The following CBLB variants were observed in gnomAD, a reference collection of about 807,000 sequenced individuals.
CBLB encodes the protein E3 ubiquitin-protein ligase CBL-B.
A neutral mutation model predicts 104.9 loss-of-function variants in CBLB; 31 were observed. That is an observed-to-expected ratio of 0.30 (90% CI 0.22 to 0.40). The LOEUF (loss-of-function observed/expected upper bound fraction) is 0.40, where lower values mean the gene tolerates loss of function less well. Ranked by LOEUF, CBLB falls within the 10% of genes least tolerant of loss-of-function variation. The pLI, the probability that CBLB is intolerant of heterozygous loss-of-function variation, is 1.00. For synonymous variants in CBLB, 440 were observed against 422.6 expected, an observed-to-expected ratio of 1.04 and a Z score of -0.51; for missense variants, 1,062 against 1,214.6, an observed-to-expected ratio of 0.87 and a Z score of 1.87.
At chr3:105,682,502 T>C (rs1332300161) in intron 14 of CBLB, among the ~76,000 whole-genome samples, 1 of 151,906 alleles carries the variant, frequency 6.6e-6, no homozygotes. Context: ...TATGCTTGAG[T>C]TGTTGGGGCT....
At chr3:105,818,142 G>GA (rs1198618423) in intron 3 of CBLB, among the ~76,000 whole-genome samples, 1 of 152,022 alleles carries the variant, frequency 6.6e-6, no homozygotes, top group Non-Finnish European at 1.5e-5. Flanking sequence ...TTATCCCAAA[G>GA]AAACTTCTCA....
At chr3:105,730,158 T>C (rs1372982) in intron 9 of CBLB, among the ~76,000 whole-genome samples, 1 of 151,650 alleles carries the variant, frequency 6.6e-6, no homozygotes, top group African/African-American at 2.4e-5. Flanking sequence ...AAAACAGCGA[T>C]AAAAATGCAG....
At chr3:105,677,115 T>G (rs1043516363) in intron 17 of CBLB, among the ~76,000 whole-genome samples, 1 of 152,088 alleles carries the variant, frequency 6.6e-6, no homozygotes, top group Non-Finnish European at 1.5e-5. Context: ...ATTATGACAC[T>G]AGTGCTTTCA....
intron 10 of CBLB, 152 bp downstream of exon 10, chr3:105,719,895 T>C (rs986644478): frequency 6.5e-5 from 46 of 705,906 alleles, no homozygotes; most frequent in Non-Finnish European, 1.0e-4. Flanking sequence ...ACAGTGATAT[T>C]GATGATCCTG....
chr3:105,809,746 T>C (rs192471085), intron 3 of CBLB, among the ~76,000 whole-genome samples: 5 of 152,322 alleles, frequency 3.3e-5, no homozygotes, highest in East Asian at 3.9e-4. Context: ...TGGTTGGTTA[T>C]CTACTTTCTC....
chr3:105,753,313 T>C (rs548669714), intron 4 of CBLB, among the ~76,000 whole-genome samples: 2 of 151,506 alleles, frequency 1.3e-5, no homozygotes, highest in South Asian at 4.2e-4. Flanking sequence ...CCACATCAGA[T>C]GCCATTTAGA....
chr3:105,704,428 T>C (rs2069752946), intron 10 of CBLB, among the ~76,000 whole-genome samples: 3 of 152,184 alleles, frequency 2.0e-5, no homozygotes, highest in African/African-American at 7.2e-5. Flanking sequence ...AGCAAAAGTA[T>C]AGTATAAAGA....
At chr3:105,829,294 G>A (rs765767979) in intron 3 of CBLB, among the ~76,000 whole-genome samples, 12 of 151,938 alleles carry the variant, frequency 7.9e-5, no homozygotes, top group African/African-American at 2.2e-4. Context: ...TAAACGTAAC[G>A]AATACTGTTT....
At chr3:105,695,195 G>T (rs1450339156) in intron 12 of CBLB, among the ~76,000 whole-genome samples, 2 of 151,646 alleles carry the variant, frequency 1.3e-5, no homozygotes, top group African/African-American at 4.8e-5. Flanking sequence ...GTTATTTTAG[G>T]ACAAAGCATC....
At chr3:105,688,412 T>A (rs538827028) in intron 13 of CBLB, among the ~76,000 whole-genome samples, 1 of 152,182 alleles carries the variant, frequency 6.6e-6, no homozygotes, top group African/African-American at 2.4e-5. Context: ...GATAAATACA[T>A]TCATCTTCTA....
At chr3:105,735,297 G>T (rs1030566867) in intron 8 of CBLB, among the ~76,000 whole-genome samples, 2 of 152,120 alleles carry the variant, frequency 1.3e-5, no homozygotes, top group African/African-American at 4.8e-5. Context: ...TAAGGAAAGA[G>T]ACGAGAGAAT....
intron 3 of CBLB, among the ~76,000 whole-genome samples, chr3:105,832,572 T>C (rs955136288): frequency 6.6e-5 from 10 of 152,182 alleles, no homozygotes; most frequent in Middle Eastern, 3.2e-3. Context: ...CCATACCAGA[T>C]TGACAGGTCC....
chr3:105,707,293 T>C (rs1400790724), intron 10 of CBLB, among the ~76,000 whole-genome samples: 1 of 152,212 alleles, frequency 6.6e-6, no homozygotes, highest in African/African-American at 2.4e-5. Flanking sequence ...TACTGTCCTT[T>C]TGAAGAATTA....
intron 8 of CBLB, 133 bp from the exon 9 acceptor site, chr3:105,734,273 T>A (rs766932844): frequency 3.3e-5 from 29 of 880,414 alleles, no homozygotes; most frequent in Non-Finnish European, 4.8e-5. Context: ...TTGTTACCAT[T>A]TGAGACATGT....
intron 12 of CBLB, among the ~76,000 whole-genome samples, chr3:105,698,804 T>A (rs1015943244): frequency 6.6e-6 from 1 of 152,044 alleles, no homozygotes; most frequent in African/African-American, 2.4e-5. Flanking sequence ...TTAGTCTTTT[T>A]AAAAAATCAA....
rs1455923850 is a variant in CBLB, at chr3:105,741,893, G to C, written c.846-1262C>G. ...CCCTAAAGCTCAAAAGTGCAAACTAGGTAATTTCATGCCTGCCATCTAACC... is the reference window on the plus strand; with the variant it reads ...CCCTAAAGCTCAAAAGTGCAAACTACGTAATTTCATGCCTGCCATCTAACC... On this transcript the variant is annotated intron_variant, in intron 6 of 18. Coordinates refer to ENST00000394030, the MANE Select transcript of CBLB (RefSeq NM_170662.5). 2.6e-5 allele frequency among the ~76,000 whole-genome samples: 4 copies of C among 152,194 alleles called. 1 individual carries two copies. Among genetic ancestry groups the C allele is most frequent in the Admixed American group, 2.6e-4 (4 of 15,282 alleles).
At chr3:105,777,065 A>G (rs973283324) in intron 3 of CBLB, among the ~76,000 whole-genome samples, 2 of 152,200 alleles carry the variant, frequency 1.3e-5, no homozygotes, top group African/African-American at 4.8e-5. Flanking sequence ...CTAATACAAA[A>G]GTATAAAATG....
chr3:105,808,244 T>C (rs562165999), intron 3 of CBLB, among the ~76,000 whole-genome samples: 59 of 152,218 alleles, frequency 3.9e-4, no homozygotes, highest in Non-Finnish European at 7.5e-4. Context: ...TTTCTTAAAA[T>C]ACCTACAAAC....
intron 3 of CBLB, among the ~76,000 whole-genome samples, chr3:105,834,910 T>G (rs2153084671): frequency 6.6e-6 from 1 of 152,302 alleles, no homozygotes; most frequent in East Asian, 1.9e-4. Flanking sequence ...CATGGGACAC[T>G]TTATTGGAAG....
Sources: allele counts gnomAD v4.1 joint callset (sites outside exome capture counted in the v4.1 genomes callset), GRCh38; gene constraint gnomAD v4.1.1; transcripts MANE v1.5; gene names NCBI Gene and HGNC (gene_info 2026-07-23, HGNC 2026-07-21).